MARCHF1: variants seen among roughly 807,000 people sequenced by gnomAD.
The protein encoded by MARCHF1 is E3 ubiquitin-protein ligase MARCHF1.
In MARCHF1, 40 loss-of-function variants were observed where a neutral mutation model predicts 54.2. The ratio of observed to expected loss-of-function variants is 0.74; its 90% CI spans 0.57 to 0.96. The LOEUF is 0.96. Ranked by LOEUF, MARCHF1 falls within the 40% of genes least tolerant of loss-of-function variation. MARCHF1 has a pLI of 0.00. For missense variants in MARCHF1, 586 were observed against 656.5 expected, an observed-to-expected ratio of 0.89 and a Z score of 1.17; for synonymous variants, 236 against 236.3, an observed-to-expected ratio of 1.00 and a Z score of 0.01.
At chr4:164,093,265 T>C (rs955035206) in intron 2 of MARCHF1, among the ~76,000 whole-genome samples, 6 of 152,138 alleles carry the variant, frequency 3.9e-5, no homozygotes, top group Non-Finnish European at 7.4e-5. Flanking sequence ...ACAGGAGGAA[T>C]TACCATCCCT....
intron 3 of MARCHF1, among the ~76,000 whole-genome samples, chr4:163,881,301 C>T (rs1418562166): frequency 6.6e-6 from 1 of 152,082 alleles, no homozygotes; most frequent in Admixed American, 6.6e-5. Flanking sequence ...ATGGCAAAAC[C>T]CCGTCTCCAC....
At chr4:163,911,541 T>C (rs571433922) in intron 3 of MARCHF1, among the ~76,000 whole-genome samples, 4 of 152,152 alleles carry the variant, frequency 2.6e-5, no homozygotes, top group African/African-American at 7.2e-5. Context: ...ATCCCCTATG[T>C]TGTATCCATT....
intron 2 of MARCHF1, among the ~76,000 whole-genome samples, chr4:164,110,967 G>A (rs897402762): frequency 3.3e-5 from 5 of 151,702 alleles, no homozygotes; most frequent in African/African-American, 4.8e-5. Context: ...ATTTAATGTC[G>A]TTCTTGATTT....
chr4:163,855,932 A>C lies in MARCHF1; in HGVS notation c.-38-1763T>G, dbSNP rs967504497. ...AAGCAGGAATAGTAGTCATAAGAAG[A>C]GGATAACTTTCATTTTTGATGTGAT... is the stretch of plus-strand genomic sequence containing the variant. On this transcript the variant is annotated intron_variant, in intron 3 of 9. Transcript: ENST00000514618. 4.6e-5 allele frequency among the ~76,000 whole-genome samples: 7 copies of C among 152,346 alleles called. No individual in the cohort carries two copies. In the South Asian group the frequency reaches 1.4e-3, roughly 32 times the overall value.
intron 4 of MARCHF1, among the ~76,000 whole-genome samples, chr4:163,838,182 C>T (rs1749241456): frequency 6.6e-6 from 1 of 152,128 alleles, no homozygotes; most frequent in Non-Finnish European, 1.5e-5. Flanking sequence ...GTTCCAGGAA[C>T]TCCTGAAAAT....
intron 4 of MARCHF1, among the ~76,000 whole-genome samples, chr4:163,755,663 C>A: frequency 6.7e-6 from 1 of 149,704 alleles, no homozygotes; most frequent in African/African-American, 2.5e-5. Context: ...CAAAGTTGAA[C>A]CTTGAACTAC....
At chr4:163,798,702 T>C (rs1747992116) in intron 4 of MARCHF1, among the ~76,000 whole-genome samples, 1 of 151,362 alleles carries the variant, frequency 6.6e-6, no homozygotes, top group Non-Finnish European at 1.5e-5. Flanking sequence ...AGTAAGAAAA[T>C]ACAGTGAAAT....
intron 4 of MARCHF1, among the ~76,000 whole-genome samples, chr4:163,813,145 A>G (rs2111018674): frequency 6.6e-6 from 1 of 152,228 alleles, no homozygotes; most frequent in Middle Eastern, 3.4e-3. Flanking sequence ...TTCTCAGCTC[A>G]TACACTTGCC....
At chr4:163,631,507 A>G (rs1176138872) in intron 5 of MARCHF1, among the ~76,000 whole-genome samples, 2 of 152,186 alleles carry the variant, frequency 1.3e-5, no homozygotes, top group African/African-American at 4.8e-5. Context: ...CATTCTTATA[A>G]TGTGGCAAGA....
chr4:163,789,254 T>TA (rs1747704784), intron 4 of MARCHF1, among the ~76,000 whole-genome samples: 1 of 152,004 alleles, frequency 6.6e-6, no homozygotes, highest in Non-Finnish European at 1.5e-5. Flanking sequence ...ACAAGCGACT[T>TA]AAAGATCATT....
rs137972209 is a variant in MARCHF1 at position 164,013,092 on chromosome 4, T to C, written c.-247-24383A>G. On this transcript the variant is annotated intron_variant, in intron 2 of 9. Coordinates refer to ENST00000514618, the MANE Select transcript of MARCHF1 (RefSeq NM_001394959.1). ...ACTGAAGTGATGGAGATATGTGATCTTTCAGACAGGGGATTCAAAATTGTT... is the reference window on the plus strand; with the variant it reads ...ACTGAAGTGATGGAGATATGTGATCCTTCAGACAGGGGATTCAAAATTGTT... Among the ~76,000 whole-genome samples the C allele has an allele frequency of 2.0e-5, 3 of 152,272 alleles. No homozygotes were observed. In the East Asian group the frequency reaches 5.8e-4, roughly 29 times the overall value.
chr4:164,085,057 T>C (rs981045874), intron 2 of MARCHF1, among the ~76,000 whole-genome samples: 3 of 151,786 alleles, frequency 2.0e-5, no homozygotes, highest in Non-Finnish European at 3.0e-5. Context: ...TCTCAACCAG[T>C]CCATTTAATA....
At chr4:164,190,193 C>T in intron 1 of MARCHF1, 2 of 1,566,750 alleles carry the variant, frequency 1.3e-6, no homozygotes, top group Non-Finnish European at 1.7e-6. Flanking sequence ...GGCTGGAAAG[C>T]CACCAAGCTG....
rs34331599 is a variant in MARCHF1, at chr4:163,935,702, C to CT, written c.-39+52798dup. Among the ~76,000 whole-genome samples the CT allele has an allele frequency of 5.0e-3, 624 of 125,644 alleles. 1 individual carries two copies. The highest frequency in any genetic ancestry group is 0.016 in the African/African-American group (568 of 35,104). The allele number at this position is 125,644 out of a possible 152,430, so 82.4% of individuals were successfully genotyped here. On this transcript the variant is annotated intron_variant, in intron 3 of 9. Transcript: ENST00000514618. The stretch of plus-strand genomic sequence containing the variant: ...ACAACAAGGCTGTTTTGCTTGCTTT[C>CT]TTTTTTTTTTTTTTTTTTTTTTATT...
At chr4:164,017,836 CAAA>C (rs35073711) in intron 2 of MARCHF1, among the ~76,000 whole-genome samples, 1 of 138,102 alleles carries the variant, frequency 7.2e-6, no homozygotes. Context: ...CCTAAATTAG[CAAA>C]AAAAAAAAAA....
At chr4:163,886,304 C>CATAGATAG (rs10560054) in intron 3 of MARCHF1, among the ~76,000 whole-genome samples, 8 of 145,198 alleles carry the variant, frequency 5.5e-5, no homozygotes, top group South Asian at 2.2e-4. Flanking sequence ...TCTTAATAGA[C>CATAGATAG]ATAGATAGAT....
intron 8 of MARCHF1, among the ~76,000 whole-genome samples, chr4:163,575,941 G>A (rs183075658): frequency 6.6e-6 from 1 of 151,884 alleles, no homozygotes; most frequent in Admixed American, 6.6e-5. Flanking sequence ...CTTTTCCCTT[G>A]TTAATCTAGT....
At chr4:164,133,635 G>T (rs1756344890) in intron 1 of MARCHF1, among the ~76,000 whole-genome samples, 1 of 152,132 alleles carries the variant, frequency 6.6e-6, no homozygotes, top group Admixed American at 6.5e-5. Context: ...TTAGTTATTG[G>T]TAACTTTACC....
intron 1 of MARCHF1, among the ~76,000 whole-genome samples, chr4:164,236,925 C>T (rs973907264): frequency 9.9e-5 from 15 of 152,136 alleles, no homozygotes; most frequent in Non-Finnish European, 1.8e-4. Flanking sequence ...TTCCACTTCT[C>T]TGGTCATTGT....
Sources: allele counts gnomAD v4.1 joint callset (sites outside exome capture counted in the v4.1 genomes callset), GRCh38; gene constraint gnomAD v4.1.1; transcripts MANE v1.5; gene names NCBI Gene and HGNC (gene_info 2026-07-23, HGNC 2026-07-21).